NAPB: variants seen among roughly 807,000 people sequenced by gnomAD.
The protein encoded by NAPB is NSF attachment protein beta, also known as beta-soluble NSF attachment protein.
Under a neutral mutation model 44.7 loss-of-function variants are expected in NAPB, and 26 were observed. The ratio of observed to expected loss-of-function variants is 0.58; its 90% CI spans 0.43 to 0.81. The LOEUF is 0.81. Ranked by LOEUF, NAPB falls within the 30% of genes least tolerant of loss-of-function variation. NAPB has a pLI of 0.00. For synonymous variants in NAPB, 120 were observed against 116.8 expected (o/e 1.03, Z -0.18); for missense variants, 315 against 356.4 (o/e 0.88, Z 0.94).
Position 23,375,500 on chromosome 20 carries a change from G to A in NAPB, c.*1876C>T, listed in dbSNP as rs1488522704. On this transcript the variant is annotated 3_prime_UTR_variant, in exon 11 of 11. Transcript: ENST00000377026. ...ACAAAAGTGCATTTGGCTGGTTGTAGGATATATTATTAGGTGGGGAAACAA... is the reference window on the plus strand; with the variant it reads ...ACAAAAGTGCATTTGGCTGGTTGTAAGATATATTATTAGGTGGGGAAACAA... 7.1e-6 allele frequency: 1 copy of A among 140,290 alleles called. No individual in the cohort carries two copies. The highest frequency in any genetic ancestry group is 2.4e-5 in the African/African-American group (1 of 40,840). 8.7% of individuals were successfully genotyped at this position (140,290 alleles called of 1,614,324 possible).
chr20:23,406,515 G>C (rs190948390), intron 1 of NAPB, among the ~76,000 whole-genome samples: 2 of 152,098 alleles, frequency 1.3e-5, no homozygotes, highest in East Asian at 3.9e-4. Flanking sequence ...AAAACCTTTG[G>C]GGACTATGTT....
chr20:23,415,099 A>G lies in NAPB; in HGVS notation c.98+6206T>C, dbSNP rs1985912249. 3.3e-5 allele frequency among the ~76,000 whole-genome samples: 5 copies of G among 152,298 alleles called. No individual in the cohort carries two copies. The South Asian group carries it at 1.0e-3, about 32-fold the overall frequency. On this transcript the variant is annotated intron_variant, in intron 1 of 10. Coordinates refer to ENST00000377026, the MANE Select transcript of NAPB (RefSeq NM_022080.3). ...TAAAGGGGAAAATGTAAGACCATGT[A>G]AGTTATAATAAATTTTTCATCATTT...
At chr20:23,384,736 G>A (rs1344849979) in intron 7 of NAPB, among the ~76,000 whole-genome samples, 1 of 152,160 alleles carries the variant, frequency 6.6e-6, no homozygotes, top group Non-Finnish European at 1.5e-5. Context: ...GCAGAAAGCA[G>A]AATTAAGCCC....
intron 1 of NAPB, among the ~76,000 whole-genome samples, chr20:23,413,409 A>G (rs1232618366): frequency 2.6e-5 from 4 of 152,200 alleles, no homozygotes; most frequent in Admixed American, 6.5e-5. Flanking sequence ...ATAGCCATGA[A>G]TATTTTAATC....
At chr20:23,401,220 C>T (rs931564250) in intron 2 of NAPB, among the ~76,000 whole-genome samples, 1 of 152,158 alleles carries the variant, frequency 6.6e-6, no homozygotes, top group African/African-American at 2.4e-5. Context: ...ACAGAGACGT[C>T]AGCTCTTATT....
chr20:23,393,785 G>A (rs770228062), intron 5 of NAPB, among the ~76,000 whole-genome samples: 4 of 152,188 alleles, frequency 2.6e-5, no homozygotes, highest in Non-Finnish European at 5.9e-5. Flanking sequence ...ATGGAAATAG[G>A]TAATAAATGA....
At position 23,403,086 on chromosome 20, in the gene NAPB, A is replaced by G. The variant is rs749445169; in HGVS notation, c.99-14T>C. The G allele has an allele frequency of 1.1e-5, 17 of 1,602,114 alleles. No individual in the cohort carries two copies. In the East Asian group the frequency reaches 3.8e-4, roughly 36 times the overall value. ...CTTGTGTTTCCTCTGAGAAAAAGTT[A>G]AAAATTAGATTTTTAACAACCATCC... On this transcript the variant is annotated splice_polypyrimidine_tract_variant and intron_variant, in intron 1 of 10. Coordinates refer to ENST00000377026, the MANE Select transcript of NAPB (RefSeq NM_022080.3).
chr20:23,403,412 G>A (rs1156702091), intron 1 of NAPB, among the ~76,000 whole-genome samples: 1 of 152,120 alleles, frequency 6.6e-6, no homozygotes, highest in Non-Finnish European at 1.5e-5. Context: ...AGACCAGCCT[G>A]GCCAACATGG....
chr20:23,403,031 C>A lies in NAPB; in HGVS notation c.140G>T (p.Arg47Ile), dbSNP rs1456906470. 6.2e-7 allele frequency: 1 copy of A among 1,613,786 alleles called. No homozygotes were observed. Among genetic ancestry groups the A allele is most frequent in the Non-Finnish European group, 8.5e-7 (1 of 1,179,936 alleles). Residue 47 changes from arginine to isoleucine, a missense_variant, in exon 2 of 11, where the codon AGA becomes ATA. Around this residue, in one of 3 missense-constraint regions of NAPB, gnomAD observed 179 missense variants for 182.5 expected, o/e 0.98. Coordinates refer to ENST00000377026, the MANE Select transcript of NAPB (RefSeq NM_022080.3). ...RIEEACEMYT[R>I]AANMFKMAKN... ...AGCCATCTTGAACATATTTGCAGCTCTGGTATACATTTCACAAGCCTCTTC... is the reference window on the plus strand; with the variant it reads ...AGCCATCTTGAACATATTTGCAGCTATGGTATACATTTCACAAGCCTCTTC...
chr20:23,402,927 T>C, intron 2 of NAPB, 66 bp downstream of exon 2: 2 of 1,252,132 alleles, frequency 1.6e-6, no homozygotes, highest in Non-Finnish European at 2.3e-6. Flanking sequence ...GGGAAAACAG[T>C]CATTTCTCCC....
chr20:23,403,365 G>C (rs549657864), intron 1 of NAPB, among the ~76,000 whole-genome samples: 1 of 152,282 alleles, frequency 6.6e-6, no homozygotes, highest in African/African-American at 2.4e-5. Flanking sequence ...AACTTTGGGA[G>C]GCCAAGGCGG....
rs868656242 is a variant in NAPB, at chr20:23,414,940, A to T, written c.98+6365T>A. ...ACTCACAAAAATAGAAAAATATATT[A>T]AAAAAATTTTAAGTATAATATTTTG... On this transcript the variant is annotated intron_variant, in intron 1 of 10. Transcript: ENST00000377026. Among the ~76,000 whole-genome samples the T allele has an allele frequency of 1.1e-4, 16 of 151,668 alleles. No individual in the cohort carries two copies. In the South Asian group the frequency reaches 2.5e-3, roughly 24 times the overall value.
At chr20:23,420,755 G>A (rs1334165775) in intron 1 of NAPB, among the ~76,000 whole-genome samples, 1 of 152,102 alleles carries the variant, frequency 6.6e-6, no homozygotes, top group Admixed American at 6.5e-5. Context: ...GCACCAACCC[G>A]GGCCAGGGCG....
chr20:23,387,529 T>C (rs902605999), intron 7 of NAPB, among the ~76,000 whole-genome samples: 2 of 152,212 alleles, frequency 1.3e-5, no homozygotes, highest in Non-Finnish European at 1.5e-5. Flanking sequence ...GCTAATAAGT[T>C]TGGCATGGTT....
At chr20:23,405,515 G>C (rs1033104601) in intron 1 of NAPB, among the ~76,000 whole-genome samples, 1 of 152,102 alleles carries the variant, frequency 6.6e-6, no homozygotes, top group African/African-American at 2.4e-5. Flanking sequence ...TCAGGGCCAG[G>C]AGTTTGAGAC....
chr20:23,396,364 C>A (rs1053081635), intron 3 of NAPB, among the ~76,000 whole-genome samples: 7 of 152,172 alleles, frequency 4.6e-5, no homozygotes, highest in Admixed American at 4.6e-4. Flanking sequence ...ATTGAAGATA[C>A]CCTATTTCTT....
rs1010772062 is a variant in NAPB, at chr20:23,376,076, T to A, written c.*1300A>T. 1 of 152,184 alleles carries A rather than the reference T, an allele frequency of 6.6e-6. No homozygotes were observed. The highest frequency in any genetic ancestry group is 6.5e-5 in the Admixed American group (1 of 15,284). 9.4% of individuals were successfully genotyped at this position (152,184 alleles called of 1,614,324 possible). A position where few individuals can be genotyped will look rare whatever the true frequency, so the allele number is the denominator to read the frequency against. ...ATAACATAGGAAGTTTCGTTACCTG[T>A]CATCAGTGAAGCTCCGTGATGTCAG... On this transcript the variant is annotated 3_prime_UTR_variant, in exon 11 of 11. Transcript: ENST00000377026.
intron 1 of NAPB, among the ~76,000 whole-genome samples, chr20:23,406,360 AAAACTGCTGTGGTTGCATAGCCCTGTG>A (rs1368419648): frequency 6.6e-6 from 1 of 152,198 alleles, no homozygotes; most frequent in Non-Finnish European, 1.5e-5. Flanking sequence ...AAGATGTTCT[AAAACTGCTGTGGTTGCATAGCCCTGTG>A]AATAGGCTAA....
At chr20:23,388,855 C>A (rs1355140091) in intron 7 of NAPB, among the ~76,000 whole-genome samples, 3 of 151,982 alleles carry the variant, frequency 2.0e-5, no homozygotes, top group African/African-American at 4.8e-5. Context: ...GCGATGATTT[C>A]TTCTATATAA....
Sources: gnomAD v4.1 joint callset for allele counts (sites outside exome capture counted in the v4.1 genomes callset) on GRCh38, gnomAD v4.1.1 for gene constraint, gnomAD v4.1.1 regional missense constraint, MANE v1.5 for transcripts, NCBI Gene and HGNC (gene_info 2026-07-23, HGNC 2026-07-21) for gene names.